Variants in RCOR3 observed in about 807,000 individuals in gnomAD.
RCOR3 encodes the protein REST corepressor 3.
Under a neutral mutation model 64.1 loss-of-function variants are expected in RCOR3, and 13 were observed. That is an observed-to-expected ratio of 0.20 (90% CI 0.13 to 0.32). The LOEUF is 0.32. RCOR3 is among the 10% of genes least tolerant of loss of function. RCOR3 has a pLI of 1.00. For synonymous variants in RCOR3, 215 were observed against 239.0 expected, an observed-to-expected ratio of 0.90 and a Z score of 0.93; for missense variants, 489 against 701.2, an observed-to-expected ratio of 0.70 and a Z score of 3.42.
Position 211,295,044 on chromosome 1 carries a change from ATTTTTT to A in RCOR3, c.940-614_940-609del, listed in dbSNP as rs67407386. Among the ~76,000 whole-genome samples, 47 of 44,368 alleles carry A rather than the reference ATTTTTT, an allele frequency of 1.1e-3. 1 individual carries two copies. The highest frequency in any genetic ancestry group is 3.2e-3 in the African/African-American group (39 of 12,254). 29.1% of individuals were successfully genotyped at this position (44,368 alleles called of 152,430 possible). On this transcript the variant is annotated intron_variant, in intron 8 of 11. Transcript: ENST00000419091. The stretch of plus-strand genomic sequence containing the variant: ...AGGTTCATGCCACCATGACCAGCTA[ATTTTTT>A]TTTTTTTTTTTTTTTTTCATAGAGA...
At chr1:211,263,989 G>GT (rs1694792427) in intron 2 of RCOR3, among the ~76,000 whole-genome samples, 1 of 151,978 alleles carries the variant, frequency 6.6e-6, no homozygotes, top group African/African-American at 2.4e-5. Flanking sequence ...GGCTAATTTT[G>GT]TTTTTTGTAT....
chr1:211,281,192 A>ACTT (rs1447579001), intron 7 of RCOR3, among the ~76,000 whole-genome samples: 1 of 152,116 alleles, frequency 6.6e-6, no homozygotes, highest in Admixed American at 6.6e-5. Context: ...CAAATTACTG[A>ACTT]CTGCTCCCTT....
At chr1:211,291,199 T>C (rs1249712241) in intron 8 of RCOR3, among the ~76,000 whole-genome samples, 1 of 152,206 alleles carries the variant, frequency 6.6e-6, no homozygotes, top group East Asian at 1.9e-4. Context: ...TAATTAGCTA[T>C]TGTTATTCTC....
intron 3 of RCOR3, chr1:211,271,718 T>G: frequency 3.1e-6 from 1 of 318,048 alleles, no homozygotes; most frequent in Non-Finnish European, 6.3e-6. Flanking sequence ...AGAACTGACT[T>G]CAGCAGCCAT....
At chr1:211,288,680 A>G (rs1156906948) in intron 7 of RCOR3, among the ~76,000 whole-genome samples, 3 of 151,362 alleles carry the variant, frequency 2.0e-5, no homozygotes, top group Admixed American at 6.6e-5. Flanking sequence ...TAACCTTTAG[A>G]GGCGTAGTTT....
At position 211,271,297 on chromosome 1, in the gene RCOR3, C is replaced by T. The variant is rs546653215; in HGVS notation, c.289C>T (p.Pro97Ser). The T allele has an allele frequency of 6.2e-7, 1 of 1,612,964 alleles. No individual in the cohort carries two copies. The highest frequency in any genetic ancestry group is 1.1e-5 in the South Asian group (1 of 90,932). Reference protein sequence around the residue: ...MLVWSPYHSIPDAKLDEYIAI... With the variant: ...MLVWSPYHSISDAKLDEYIAI... ...TGTATGGTCTCCATATCACAGTATC[C>T]CAGATGCCAAATGTAAGTTTTCTGA... is the stretch of plus-strand genomic sequence containing the variant. Residue 97 changes from proline (P) to serine (S), a missense_variant, in exon 3 of 12, where the codon CCA becomes TCA. Around this residue, in one of 2 missense-constraint regions of RCOR3, gnomAD observed 402 missense variants for 617.0 expected, o/e 0.65. Coordinates refer to ENST00000419091, the MANE Select transcript of RCOR3 (RefSeq NM_001136223.3).
chr1:211,313,551 C>T lies in RCOR3; in HGVS notation c.1445C>T (p.Ala482Val). ...PPPLLRPTLP[A>V]APALHRQPPP... The stretch of plus-strand genomic sequence containing the variant: ...CCACTTCTTCGTCCAACACTGCCTG[C>T]TGCCCCGGCTCTTCACCGGCAGCCT... The change falls in exon 12 of 12, where the codon GCT becomes GTT. Residue 482 changes from alanine (A) to valine (V), a missense_variant. By Grantham distance (64) the Ala-to-Val change is moderately conservative. Around this residue, in one of 2 missense-constraint regions of RCOR3, gnomAD observed 402 missense variants for 617.0 expected, o/e 0.65. Transcript: ENST00000419091. The surrounding 1 kb of genome is among the most constrained non-coding windows in gnomAD (Gnocchi z 4.7). 6.2e-7 allele frequency: 1 copy of T among 1,614,144 alleles called. No individual in the cohort carries two copies.
chr1:211,263,636 A>T (rs1439918697), intron 2 of RCOR3, among the ~76,000 whole-genome samples: 1 of 152,166 alleles, frequency 6.6e-6, no homozygotes, highest in Non-Finnish European at 1.5e-5. Flanking sequence ...GTAGATTATT[A>T]GTTATTGGGC....
At chr1:211,272,284 G>T (rs960488670) in intron 3 of RCOR3, among the ~76,000 whole-genome samples, 1 of 152,186 alleles carries the variant, frequency 6.6e-6, no homozygotes, top group African/African-American at 2.4e-5. Flanking sequence ...ACCTGAAAGA[G>T]ACTATTGGTT....
chr1:211,267,335 C>G (rs553056099), intron 2 of RCOR3, among the ~76,000 whole-genome samples: 9 of 152,306 alleles, frequency 5.9e-5, no homozygotes, highest in South Asian at 4.1e-4. Context: ...TGAAATATCC[C>G]TTACTTCCTG....
At chr1:211,267,505 A>G (rs1465336821) in intron 2 of RCOR3, among the ~76,000 whole-genome samples, 1 of 152,196 alleles carries the variant, frequency 6.6e-6, no homozygotes, top group Non-Finnish European at 1.5e-5. Context: ...GCTCACCGAT[A>G]TTGGAAGAGC....
At chr1:211,273,954 C>A (rs990424243) in intron 3 of RCOR3, among the ~76,000 whole-genome samples, 2 of 152,046 alleles carry the variant, frequency 1.3e-5, no homozygotes, top group African/African-American at 4.8e-5. Context: ...TACAAAAATA[C>A]AGTAATGTCA....
chr1:211,305,562 CCT>C (rs1700771476), intron 10 of RCOR3, among the ~76,000 whole-genome samples: 1 of 151,958 alleles, frequency 6.6e-6, no homozygotes. Flanking sequence ...AAAACTGAAC[CCT>C]GATTTCCAGT....
At chr1:211,284,231 G>T (rs1309198735) in intron 7 of RCOR3, among the ~76,000 whole-genome samples, 3 of 150,826 alleles carry the variant, frequency 2.0e-5, no homozygotes, top group East Asian at 1.9e-4. Context: ...TTGTTTTTTT[G>T]TTTGTTTGTT....
intron 9 of RCOR3, among the ~76,000 whole-genome samples, chr1:211,300,577 A>G (rs1700276892): frequency 6.6e-6 from 1 of 152,150 alleles, no homozygotes; most frequent in Admixed American, 6.5e-5. Flanking sequence ...TCTTCTATAC[A>G]TGTAGGCATT....
chr1:211,288,601 ATTTAT>A (rs1411658349), intron 7 of RCOR3, among the ~76,000 whole-genome samples: 3 of 147,202 alleles, frequency 2.0e-5, no homozygotes, highest in South Asian at 2.1e-4. Context: ...TATATTTATT[ATTTAT>A]TTTATTTAAT....
intron 9 of RCOR3, among the ~76,000 whole-genome samples, chr1:211,300,174 G>A (rs1700236424): frequency 6.7e-6 from 1 of 148,474 alleles, no homozygotes; most frequent in African/African-American, 2.5e-5. Flanking sequence ...GGGCTCAGGT[G>A]ACTCTCCCAC....
intron 2 of RCOR3, among the ~76,000 whole-genome samples, chr1:211,267,592 C>G (rs1173107763): frequency 6.6e-6 from 1 of 151,974 alleles, no homozygotes; most frequent in Non-Finnish European, 1.5e-5. Flanking sequence ...GTTTTTGAAA[C>G]TTATTTATTT....
At chr1:211,302,774 C>T (rs1274772886) in intron 9 of RCOR3, 1 of 152,172 alleles carries the variant, frequency 6.6e-6, no homozygotes, top group African/African-American at 2.4e-5. Context: ...GCCAAGGTAG[C>T]ATCAGATTGC....
Sources: allele counts gnomAD v4.1 joint callset (sites outside exome capture counted in the v4.1 genomes callset), GRCh38; gene constraint gnomAD v4.1.1; regional missense constraint gnomAD v4.1.1; non-coding constraint Gnocchi (gnomAD v3.1); transcripts MANE v1.5; gene names NCBI Gene and HGNC (gene_info 2026-07-23, HGNC 2026-07-21).